The following CCZ1B variants were observed in gnomAD, a reference collection of about 807,000 sequenced individuals.
CCZ1B encodes the protein vacuolar fusion protein CCZ1 homolog B.
In CCZ1B, 25 loss-of-function variants were observed where a neutral mutation model predicts 58.8. The observed-to-expected ratio is 0.43, with a 90% CI of 0.31 to 0.59. The LOEUF (loss-of-function observed/expected upper bound fraction) is 0.59. Among genes scored for constraint, CCZ1B ranks in the 20% least tolerant of loss-of-function variants. CCZ1B has a pLI of 0.12. For synonymous variants in CCZ1B, 66 were observed against 173.2 expected, an observed-to-expected ratio of 0.38 and a Z score of 4.86; for missense variants, 180 against 501.5, an observed-to-expected ratio of 0.36 and a Z score of 6.12.
intron 7 of CCZ1B, among the ~76,000 whole-genome samples, chr7:6,816,945 G>A (rs1349956706): frequency 6.9e-6 from 1 of 144,910 alleles, no homozygotes; most frequent in Non-Finnish European, 1.5e-5. Flanking sequence ...TGCATTTTTT[G>A]TAGAGATACA....
At chr7:6,823,500 A>C in intron 4 of CCZ1B, 140 bp from the exon 5 acceptor site, 1 of 1,319,562 alleles carries the variant, frequency 7.6e-7, no homozygotes, top group Middle Eastern at 2.1e-4. Context: ...CGTGCTGAAA[A>C]AAAGTGTTTG....
At chr7:6,808,813 AT>A (rs1319881722) in intron 10 of CCZ1B, among the ~76,000 whole-genome samples, 3 of 152,072 alleles carry the variant, frequency 2.0e-5, no homozygotes, top group African/African-American at 7.3e-5. Flanking sequence ...GGTTCAAGAG[AT>A]TCTCCTGACT....
chr7:6,818,197 C>G (rs1162035544), intron 7 of CCZ1B, among the ~76,000 whole-genome samples: 1 of 149,600 alleles, frequency 6.7e-6, no homozygotes, highest in East Asian at 1.9e-4. Flanking sequence ...CTAGTTTTGC[C>G]TTTTCTATTA....
At position 6,823,374 on chromosome 7, in the gene CCZ1B, A is replaced by G. The variant is rs935387810; in HGVS notation, c.391-14T>C. On this transcript the variant is annotated splice_polypyrimidine_tract_variant and intron_variant, in intron 4 of 14. Transcript: ENST00000316731. ...ATAAACCTTGTCCTGCAGACGCGAA[A>G]ACACAGCACACAGCTCAGTTCAAGG... The G allele has an allele frequency of 1.9e-6, 3 of 1,607,954 alleles. No individual in the cohort carries two copies. The highest frequency in any genetic ancestry group is 2.5e-6 in the Non-Finnish European group (3 of 1,177,738).
At chr7:6,813,639 T>C (rs543379189) in intron 8 of CCZ1B, among the ~76,000 whole-genome samples, 1 of 149,632 alleles carries the variant, frequency 6.7e-6, no homozygotes, top group Non-Finnish European at 1.5e-5. Context: ...TTTTTGTGTG[T>C]TAAGCTCTGA....
intron 8 of CCZ1B, among the ~76,000 whole-genome samples, chr7:6,814,370 C>T (rs1028907716): frequency 6.7e-6 from 1 of 149,102 alleles, no homozygotes; most frequent in Non-Finnish European, 1.5e-5. Flanking sequence ...CCTGTCTCTA[C>T]TAAAAATACA....
chr7:6,816,456 G>A (rs1783001093), intron 7 of CCZ1B, among the ~76,000 whole-genome samples: 1 of 148,984 alleles, frequency 6.7e-6, no homozygotes, highest in South Asian at 2.1e-4. Flanking sequence ...ACTCTAGCCT[G>A]GGCAACCAAG....
chr7:6,820,286 C>A (rs1238489585), intron 6 of CCZ1B, among the ~76,000 whole-genome samples: 3 of 149,478 alleles, frequency 2.0e-5, no homozygotes, highest in Non-Finnish European at 3.0e-5. Flanking sequence ...TCACACCATT[C>A]TCCTGCCTCA....
At chr7:6,809,939 C>T (rs1192986472) in intron 10 of CCZ1B, among the ~76,000 whole-genome samples, 4 of 146,962 alleles carry the variant, frequency 2.7e-5, no homozygotes, top group Admixed American at 6.9e-5. Context: ...ATTCTGCTGA[C>T]GGATGACCCT....
chr7:6,820,120 T>C lies in CCZ1B; in HGVS notation c.523-179A>G, dbSNP rs543523917. Among the ~76,000 whole-genome samples, 61 of 133,520 alleles carry C rather than the reference T, an allele frequency of 4.6e-4. 3 individuals are homozygous for C. Among genetic ancestry groups the C allele is most frequent in the Admixed American group, 1.1e-3 (14 of 12,300 alleles). 87.6% of individuals were successfully genotyped at this position (133,520 alleles called of 152,430 possible). A position where few individuals can be genotyped will look rare whatever the true frequency, so the allele number is the denominator to read the frequency against. ...TGACTGAGTGTCAACTCAGTACCAA[T>C]TCCAAGATACAAAGTTCAAACTATC... On this transcript the variant is annotated intron_variant, in intron 6 of 14. Coordinates refer to ENST00000316731, the MANE Select transcript of CCZ1B (RefSeq NM_198097.5).
In CCZ1B at chr7:6,812,165, G is replaced by A; in HGVS notation, c.843-102C>T. 9 of 1,192,624 alleles carry A rather than the reference G, an allele frequency of 7.5e-6. 1 individual carries two copies. The highest frequency in any genetic ancestry group is 7.4e-6 in the Non-Finnish European group (6 of 810,374). The allele number at this position is 1,192,624 out of a possible 1,614,324, so 73.9% of individuals were successfully genotyped here. On this transcript the variant is annotated intron_variant, in intron 9 of 14. Transcript: ENST00000316731. ...CACTTCATACACACCAGTTGCTTTT[G>A]ATGCCAGCTGCTATTTGGCAAACAC...
At chr7:6,823,161 A>G in intron 5 of CCZ1B, 152 bp downstream of exon 5, 2 of 660,692 alleles carry the variant, frequency 3.0e-6, no homozygotes, top group South Asian at 2.2e-5. Context: ...CATAAACCTC[A>G]CTACCTGTTT....
chr7:6,818,670 AAAGAAAGAAAGAAAGAAAGAAAGAC>A (rs200860340), intron 7 of CCZ1B, among the ~76,000 whole-genome samples: 28,789 of 96,882 alleles, frequency 0.3, 5,463 homozygotes, highest in South Asian at 0.49. Context: ...AGACAGACAG[AAAGAAAGAAAGAAAGAAAGAAAGAC>A]AAGAAAGAAA....
chr7:6,815,172 CT>C (rs200922002), intron 7 of CCZ1B, among the ~76,000 whole-genome samples: 62 of 135,716 alleles, frequency 4.6e-4, no homozygotes, highest in Middle Eastern at 3.6e-3. Context: ...ATTTTTTTTT[CT>C]TTTTTTTTTT....
intron 12 of CCZ1B, among the ~76,000 whole-genome samples, chr7:6,804,164 C>T (rs541142909): frequency 1.5e-3 from 215 of 147,712 alleles, no homozygotes; most frequent in Middle Eastern, 7.0e-3. Flanking sequence ...GTAGCTCACA[C>T]CTGTAATCCC....
chr7:6,824,460 C>T lies in CCZ1B; in HGVS notation c.307G>A (p.Val103Ile), dbSNP rs557722654. The change falls in exon 3 of 15, where the codon GTC becomes ATC. Residue 103 changes from valine to isoleucine, a missense_variant. Val to Ile is a conservative substitution (Grantham distance 29). Transcript: ENST00000316731. ...TACACTGTGTGTGTAAATACCATGA[C>T]CATCCAGAAATTTTCTTCTGGTTCA... ...FNEPEENFWM[V>I]MVVRNPIIEK... 452 of 1,605,254 alleles carry T rather than the reference C, an allele frequency of 2.8e-4. 34 individuals are homozygous for T. The South Asian group carries it at 4.1e-3, about 15-fold the overall frequency.
At chr7:6,814,671 G>C (rs374226938) in intron 8 of CCZ1B, 93 bp downstream of exon 8, 1 of 1,147,018 alleles carries the variant, frequency 8.7e-7, no homozygotes, top group Non-Finnish European at 1.3e-6. Flanking sequence ...CATCAGAAAC[G>C]ATCAGAAACA....
intron 7 of CCZ1B, among the ~76,000 whole-genome samples, chr7:6,818,147 A>G (rs1282943328): frequency 6.7e-6 from 1 of 149,840 alleles, no homozygotes; most frequent in African/African-American, 2.5e-5. Context: ...CTTAAAATGG[A>G]GCTACAAGAT....
intron 8 of CCZ1B, 152 bp downstream of exon 8, chr7:6,814,612 G>A (rs1318742924): frequency 1.2e-5 from 7 of 560,096 alleles, no homozygotes; most frequent in Non-Finnish European, 2.2e-5. Flanking sequence ...GTGGTTTTCT[G>A]TGCTAATTGA....
Sources: allele counts gnomAD v4.1 joint callset (sites outside exome capture counted in the v4.1 genomes callset), GRCh38; gene constraint gnomAD v4.1.1; transcripts MANE v1.5; gene names NCBI Gene and HGNC (gene_info 2026-07-23, HGNC 2026-07-21).